The following NAA30 variants were observed in gnomAD, a reference collection of about 807,000 sequenced individuals.
The protein encoded by NAA30 is N-alpha-acetyltransferase 30, NatC catalytic subunit, also known as N-alpha-acetyltransferase 30.
NAA30 carries 5 observed loss-of-function variants against 31.4 expected under a neutral mutation model. That is an observed-to-expected ratio of 0.16 (90% CI 0.08 to 0.33). The LOEUF (loss-of-function observed/expected upper bound fraction) is 0.33. NAA30 is among the 10% of genes least tolerant of loss of function. NAA30 has a pLI of 1.00. For synonymous variants in NAA30, 222 were observed against 207.1 expected, an observed-to-expected ratio of 1.07 and a Z score of -0.62; for missense variants, 428 against 490.8, an observed-to-expected ratio of 0.87 and a Z score of 1.21.
At chr14:57,393,897 C>A (rs546257772) in intron 2 of NAA30, among the ~76,000 whole-genome samples, 2 of 152,260 alleles carry the variant, frequency 1.3e-5, no homozygotes, top group African/African-American at 4.8e-5. Flanking sequence ...TTGATCCATT[C>A]AGTGAAGATT....
intron 3 of NAA30, among the ~76,000 whole-genome samples, chr14:57,398,146 C>G (rs2066459198): frequency 6.6e-6 from 1 of 152,092 alleles, no homozygotes; most frequent in Non-Finnish European, 1.5e-5. Flanking sequence ...ACACACGGTC[C>G]TAGGTATCAT....
chr14:57,404,486 A>G (rs2066490331), intron 4 of NAA30, among the ~76,000 whole-genome samples: 1 of 152,238 alleles, frequency 6.6e-6, no homozygotes, highest in Admixed American at 6.5e-5. Flanking sequence ...TATTTATATT[A>G]AAGACATTTT....
At chr14:57,401,684 A>C (rs1030621812) in intron 4 of NAA30, among the ~76,000 whole-genome samples, 4 of 152,208 alleles carry the variant, frequency 2.6e-5, no homozygotes, top group Non-Finnish European at 5.9e-5. Context: ...GTTCCCTATG[A>C]TTAAACCTTT....
At chr14:57,406,139 A>G (rs200100854) in intron 4 of NAA30, among the ~76,000 whole-genome samples, 1 of 152,198 alleles carries the variant, frequency 6.6e-6, no homozygotes, top group Non-Finnish European at 1.5e-5. Context: ...TTTAGAAAAT[A>G]TGAGTGTGCC....
chr14:57,395,863 C>T (rs2066448220), intron 2 of NAA30, among the ~76,000 whole-genome samples: 1 of 152,142 alleles, frequency 6.6e-6, no homozygotes. Context: ...ACCTTATAAA[C>T]TGTGCTTTTT....
At chr14:57,395,106 A>G (rs893486630) in intron 2 of NAA30, among the ~76,000 whole-genome samples, 5 of 152,208 alleles carry the variant, frequency 3.3e-5, no homozygotes, top group African/African-American at 1.2e-4. Flanking sequence ...AAATTTTTTT[A>G]AAAGATTGAT....
chr14:57,397,420 AAT>A (rs1300856112), intron 3 of NAA30, among the ~76,000 whole-genome samples: 1 of 152,208 alleles, frequency 6.6e-6, no homozygotes, highest in Non-Finnish European at 1.5e-5. Flanking sequence ...ATGTTTAGTT[AAT>A]CTTAACACTC....
intron 4 of NAA30, among the ~76,000 whole-genome samples, chr14:57,400,762 A>G (rs893196833): frequency 1.3e-5 from 2 of 152,330 alleles, no homozygotes; most frequent in Middle Eastern, 3.4e-3. Context: ...CAGTCAGCAT[A>G]TATGATATAT....
chr14:57,397,470 TA>T (rs1313887713), intron 3 of NAA30, among the ~76,000 whole-genome samples: 1 of 152,222 alleles, frequency 6.6e-6, no homozygotes, highest in African/African-American at 2.4e-5. Context: ...GTGGGTGGTT[TA>T]AAAACATGTA....
At chr14:57,397,597 TA>T (rs1422576597) in intron 3 of NAA30, among the ~76,000 whole-genome samples, 1 of 152,166 alleles carries the variant, frequency 6.6e-6, no homozygotes, top group Non-Finnish European at 1.5e-5. Flanking sequence ...CTGGGTTAGA[TA>T]ACTTTTGTCA....
rs140593596 is a variant in NAA30 at position 57,395,204 on chromosome 14, A to G, written c.772-1548A>G. Among the ~76,000 whole-genome samples, 11 of 152,284 alleles carry G rather than the reference A, an allele frequency of 7.2e-5. No homozygotes were observed. In the East Asian group the frequency reaches 2.1e-3, roughly 29 times the overall value. ...GGAATGTGTGATAAACCAGAAATGA[A>G]TTAGCGTGGGTTGTTGAATTTCATA... On this transcript the variant is annotated intron_variant, in intron 2 of 4. Coordinates refer to ENST00000556492, the MANE Select transcript of NAA30 (RefSeq NM_001011713.3).
intron 4 of NAA30, among the ~76,000 whole-genome samples, chr14:57,404,834 G>T (rs1195106881): frequency 6.6e-6 from 1 of 152,118 alleles, no homozygotes; most frequent in Non-Finnish European, 1.5e-5. Context: ...AACAGCACGG[G>T]AACGACTTGC....
At chr14:57,394,176 C>T (rs1198615836) in intron 2 of NAA30, among the ~76,000 whole-genome samples, 1 of 147,788 alleles carries the variant, frequency 6.8e-6, no homozygotes, top group South Asian at 2.2e-4. Context: ...ACCATTTTAT[C>T]TTTACCTGTT....
chr14:57,391,568 A>T lies in NAA30; in HGVS notation c.611A>T (p.Glu204Val), dbSNP rs780289012. 6.2e-7 allele frequency: 1 copy of T among 1,614,190 alleles called. No individual in the cohort carries two copies. Among genetic ancestry groups the T allele is most frequent in the South Asian group, 1.1e-5 (1 of 91,092 alleles). Residue 204 changes from glutamate (E) to valine (V), a missense_variant, in exon 2 of 5, where the codon GAG becomes GTG. Glu to Val is a moderately radical substitution (Grantham distance 121). Coordinates refer to ENST00000556492, the MANE Select transcript of NAA30 (RefSeq NM_001011713.3). The surrounding 1 kb of genome is among the most constrained non-coding windows in gnomAD (Gnocchi z 4.1). ...DCSLRSPSGR[E>V]VEPGEDRTIR... ...AGCTTAAGAAGCCCTTCGGGCAGGGAGGTTGAGCCTGGGGAGGATCGGACG... is the reference window on the plus strand; with the variant it reads ...AGCTTAAGAAGCCCTTCGGGCAGGGTGGTTGAGCCTGGGGAGGATCGGACG...
rs2066479510 is a variant in NAA30 at position 57,401,987 on chromosome 14, C to T, written c.951+2104C>T. Among the ~76,000 whole-genome samples the T allele has an allele frequency of 2.0e-5, 3 of 152,268 alleles. 1 individual carries two copies. In the South Asian group the frequency reaches 6.2e-4, roughly 32 times the overall value. Reference sequence around the variant, plus strand: ...CTGACATCAGGGATAGCTTTGTGAACTTTCTCCTTTTGTATGATTATGGTT... The same window carrying T: ...CTGACATCAGGGATAGCTTTGTGAATTTTCTCCTTTTGTATGATTATGGTT... On this transcript the variant is annotated intron_variant, in intron 4 of 4. Transcript: ENST00000556492.
At chr14:57,405,451 T>A (rs2066494897) in intron 4 of NAA30, among the ~76,000 whole-genome samples, 1 of 151,692 alleles carries the variant, frequency 6.6e-6, no homozygotes, top group South Asian at 2.1e-4. Context: ...CATCTTTAGT[T>A]TCACTGGAAA....
rs1027810184 is a variant in NAA30, at chr14:57,391,560, G to A, written c.603G>A (p.Ser201=). Residue 201 remains serine, a synonymous_variant, in exon 2 of 5, where the codon TCG becomes TCA. Coordinates refer to ENST00000556492, the MANE Select transcript of NAA30 (RefSeq NM_001011713.3). The surrounding 1 kb of genome is among the most constrained non-coding windows in gnomAD (Gnocchi z 4.1). ...CCGACTGCAGCTTAAGAAGCCCTTC[G>A]GGCAGGGAGGTTGAGCCTGGGGAGG... ...LTADCSLRSP[S]GREVEPGEDR... is the part of the protein sequence containing the mutation. 1 of 1,614,176 alleles carries A rather than the reference G, an allele frequency of 6.2e-7. No homozygotes were observed. The highest frequency in any genetic ancestry group is 8.5e-7 in the Non-Finnish European group (1 of 1,180,044).
chr14:57,415,694 G>A lies in NAA30; in HGVS notation c.*6178G>A, dbSNP rs1206493353. 1 of 152,116 alleles carries A rather than the reference G, an allele frequency of 6.6e-6. No individual in the cohort carries two copies. The highest frequency in any genetic ancestry group is 1.5e-5 in the Non-Finnish European group (1 of 68,024). 9.4% of individuals were successfully genotyped at this position (152,116 alleles called of 1,614,324 possible). A position where few individuals can be genotyped will look rare whatever the true frequency, so the allele number is the denominator to read the frequency against. On this transcript the variant is annotated 3_prime_UTR_variant, in exon 5 of 5. Transcript: ENST00000556492. ...GGACTCAATGCCCTAACATGTAGGGGATTGATCATTGCGATGTTTAGGCCA... is the reference window on the plus strand; with the variant it reads ...GGACTCAATGCCCTAACATGTAGGGAATTGATCATTGCGATGTTTAGGCCA...
intron 4 of NAA30, among the ~76,000 whole-genome samples, chr14:57,407,375 G>T (rs987341010): frequency 6.6e-6 from 1 of 152,156 alleles, no homozygotes; most frequent in African/African-American, 2.4e-5. Context: ...GGGCTTACCA[G>T]CTAGGAGAGA....
Sources: allele counts gnomAD v4.1 joint callset (sites outside exome capture counted in the v4.1 genomes callset), GRCh38; gene constraint gnomAD v4.1.1; non-coding constraint Gnocchi (gnomAD v3.1); transcripts MANE v1.5; gene names NCBI Gene and HGNC (gene_info 2026-07-23, HGNC 2026-07-21).